The following ATP9B variants were observed in gnomAD, a reference collection of about 807,000 sequenced individuals.
ATP9B encodes the protein ATPase phospholipid transporting 9B, also known as probable phospholipid-transporting ATPase IIB.
A neutral mutation model predicts 146.1 loss-of-function variants in ATP9B; 110 were observed. The ratio of observed to expected loss-of-function variants is 0.75; its 90% CI spans 0.65 to 0.88. The LOEUF (loss-of-function observed/expected upper bound fraction) is 0.88. ATP9B is among the 40% of genes least tolerant of loss of function. ATP9B has a pLI of 0.00. For synonymous variants in ATP9B, 604 were observed against 569.7 expected (o/e 1.06, Z -0.86); for missense variants, 1,499 against 1,496.4 (o/e 1.00, Z -0.03).
chr18:79,199,261 A>G (rs1285004610), intron 9 of ATP9B, among the ~76,000 whole-genome samples: 2 of 152,080 alleles, frequency 1.3e-5, no homozygotes, highest in Admixed American at 1.3e-4. Context: ...TTACATACCT[A>G]TAACTTTACA....
intron 23 of ATP9B, among the ~76,000 whole-genome samples, chr18:79,346,258 G>A (rs937142398): frequency 5.5e-5 from 7 of 127,978 alleles, no homozygotes; most frequent in African/African-American, 1.2e-4. Context: ...CAGCACACAC[G>A]GCACATACGT....
intron 15 of ATP9B, among the ~76,000 whole-genome samples, chr18:79,316,264 T>C (rs2096679303): frequency 6.6e-6 from 1 of 152,128 alleles, no homozygotes; most frequent in South Asian, 2.1e-4. Flanking sequence ...GAGATTGCGT[T>C]CTGTGGTTGC....
intron 1 of ATP9B, among the ~76,000 whole-genome samples, chr18:79,090,106 T>C (rs2074195867): frequency 6.6e-6 from 1 of 152,228 alleles, no homozygotes. Flanking sequence ...CTGGATCTTA[T>C]TCTTTTTTAC....
chr18:79,078,737 A>G (rs1258324239), intron 1 of ATP9B, among the ~76,000 whole-genome samples: 2 of 151,668 alleles, frequency 1.3e-5, no homozygotes, highest in South Asian at 2.1e-4. Context: ...AGGTATACAC[A>G]TGCTGTGGTG....
At chr18:79,118,944 A>G (rs1282728984) in intron 4 of ATP9B, among the ~76,000 whole-genome samples, 2 of 151,952 alleles carry the variant, frequency 1.3e-5, no homozygotes, top group Non-Finnish European at 2.9e-5. Context: ...GGTGGTACAT[A>G]TCTTTAGTCC....
chr18:79,253,163 T>C (rs1163519621), intron 11 of ATP9B, among the ~76,000 whole-genome samples: 1 of 152,260 alleles, frequency 6.6e-6, no homozygotes, highest in Non-Finnish European at 1.5e-5. Flanking sequence ...CTGTGTGCTC[T>C]GGCCCGTGTT....
chr18:79,127,890 T>C (rs2094313513), intron 5 of ATP9B, among the ~76,000 whole-genome samples: 1 of 152,150 alleles, frequency 6.6e-6, no homozygotes, highest in Non-Finnish European at 1.5e-5. Context: ...GCCTGTTTGA[T>C]TGCAGCCACT....
chr18:79,275,269 C>G (rs1359679797), intron 12 of ATP9B, among the ~76,000 whole-genome samples: 2 of 152,214 alleles, frequency 1.3e-5, no homozygotes, highest in East Asian at 3.8e-4. Context: ...CCACCTTGCC[C>G]CTTGCCTGCC....
chr18:79,307,339 C>T (rs369795799), intron 15 of ATP9B, 105 bp downstream of exon 15: 15 of 1,502,854 alleles, frequency 1.0e-5, no homozygotes, highest in African/African-American at 6.9e-5. Flanking sequence ...AGCAGTTTAT[C>T]GTAGCTTTAA....
At chr18:79,099,111 T>C (rs764091621) in intron 2 of ATP9B, among the ~76,000 whole-genome samples, 4 of 152,348 alleles carry the variant, frequency 2.6e-5, no homozygotes, top group Middle Eastern at 6.8e-3. Flanking sequence ...AGATGAATGC[T>C]CAGGTCTCCA....
chr18:79,165,573 A>G (rs2147800828), intron 7 of ATP9B, among the ~76,000 whole-genome samples: 1 of 152,324 alleles, frequency 6.6e-6, no homozygotes, highest in South Asian at 2.1e-4. Context: ...TCAGTTATTT[A>G]CCTTTAGGAA....
In ATP9B at chr18:79,109,811, C is replaced by T. The variant is rs1266090079; in HGVS notation, c.294-544C>T. Among the ~76,000 whole-genome samples, 51 of 152,128 alleles carry T rather than the reference C, an allele frequency of 3.4e-4. 1 individual carries two copies. The highest frequency in any genetic ancestry group is 3.3e-3 in the Admixed American group (51 of 15,270). ...GAACTCCTAACCTCAGGTGATCCGC[C>T]TGCCTCGGCCTCCCAAAGTGCTGGG... On this transcript the variant is annotated intron_variant, in intron 2 of 29. Transcript: ENST00000426216.
intron 2 of ATP9B, among the ~76,000 whole-genome samples, chr18:79,106,786 C>T (rs989038888): frequency 6.6e-6 from 1 of 152,054 alleles, no homozygotes; most frequent in Non-Finnish European, 1.5e-5. Flanking sequence ...TAGAGTTTCT[C>T]GAGTGAGAGT....
intron 11 of ATP9B, among the ~76,000 whole-genome samples, chr18:79,232,955 TAAAAA>T (rs1169865474): frequency 6.6e-6 from 1 of 150,832 alleles, no homozygotes; most frequent in Non-Finnish European, 1.5e-5. Flanking sequence ...AATGGAAAAA[TAAAAA>T]GAACAAAACA....
chr18:79,187,882 AGAAAT>A (rs1416154749), intron 8 of ATP9B, among the ~76,000 whole-genome samples: 3 of 152,252 alleles, frequency 2.0e-5, no homozygotes, highest in African/African-American at 7.2e-5. Flanking sequence ...TATGTCTTCT[AGAAAT>A]GAAATATGCC....
intron 8 of ATP9B, among the ~76,000 whole-genome samples, chr18:79,182,516 T>A (rs1035696451): frequency 2.6e-5 from 4 of 152,106 alleles, no homozygotes; most frequent in African/African-American, 7.2e-5. Flanking sequence ...AAGTGGTAAA[T>A]CTCTTTACCT....
chr18:79,214,281 G>T (rs1235809593), intron 11 of ATP9B, among the ~76,000 whole-genome samples: 2 of 152,124 alleles, frequency 1.3e-5, no homozygotes, highest in African/African-American at 4.8e-5. Context: ...AATTTTCATT[G>T]TCAGATATAT....
intron 8 of ATP9B, among the ~76,000 whole-genome samples, chr18:79,177,917 T>G (rs1047322014): frequency 1.3e-5 from 2 of 152,214 alleles, no homozygotes; most frequent in African/African-American, 2.4e-5. Flanking sequence ...TTAAATTATC[T>G]AGGATACTAT....
intron 26 of ATP9B, among the ~76,000 whole-genome samples, chr18:79,367,711 C>T (rs1600439962): frequency 6.6e-6 from 1 of 152,250 alleles, no homozygotes; most frequent in East Asian, 1.9e-4. Flanking sequence ...GTTCCCATCA[C>T]CAGGGATGAG....
Sources: allele counts gnomAD v4.1 joint callset (sites outside exome capture counted in the v4.1 genomes callset), GRCh38; gene constraint gnomAD v4.1.1; transcripts MANE v1.5; gene names NCBI Gene and HGNC (gene_info 2026-07-23, HGNC 2026-07-21).